The following KCNN2 variants were observed in gnomAD, a reference collection of about 807,000 sequenced individuals.
KCNN2 encodes the protein small conductance calcium-activated potassium channel protein 2.
KCNN2 carries 24 observed loss-of-function variants against 55.5 expected under a neutral mutation model. The ratio of observed to expected loss-of-function variants is 0.43; its 90% CI spans 0.31 to 0.61. The LOEUF (loss-of-function observed/expected upper bound fraction) is 0.61. KCNN2 is among the 20% of genes least tolerant of loss of function. KCNN2 has a pLI of 0.08. For synonymous variants in KCNN2, 431 were observed against 336.1 expected (o/e 1.28, Z -3.09); for missense variants, 754 against 853.6 (o/e 0.88, Z 1.45).
At chr5:114,387,833 A>G (rs1488854224) in intron 2 of KCNN2, among the ~76,000 whole-genome samples, 1 of 152,176 alleles carries the variant, frequency 6.6e-6, no homozygotes, top group Non-Finnish European at 1.5e-5. Context: ...GCTTTTTGCC[A>G]GTTGGCAGTA....
At chr5:114,114,459 G>C (rs1473112296) in intron 1 of KCNN2, among the ~76,000 whole-genome samples, 1 of 152,004 alleles carries the variant, frequency 6.6e-6, no homozygotes, top group Non-Finnish European at 1.5e-5. Context: ...GGTTGGCTTT[G>C]AAACCCTGGG....
chr5:114,404,886 A>G (rs1418341043), intron 3 of KCNN2, 30 bp downstream of exon 3: 1 of 1,571,496 alleles, frequency 6.4e-7, no homozygotes, highest in Admixed American at 1.8e-5. Flanking sequence ...TGAGAACATA[A>G]TTTACCATGT....
chr5:114,295,369 G>A (rs1755988002), intron 2 of KCNN2, among the ~76,000 whole-genome samples: 1 of 152,152 alleles, frequency 6.6e-6, no homozygotes, highest in Admixed American at 6.5e-5. Context: ...GAGCTTCCAG[G>A]CTGCTTTGTT....
chr5:114,086,209 C>G (rs1333980851), intron 1 of KCNN2, among the ~76,000 whole-genome samples: 2 of 152,038 alleles, frequency 1.3e-5, no homozygotes, highest in Admixed American at 1.3e-4. Flanking sequence ...TGTGTTTGCT[C>G]ATTCTAAAAA....
chr5:114,346,841 C>A (rs1418520628), intron 2 of KCNN2, among the ~76,000 whole-genome samples: 1 of 150,740 alleles, frequency 6.6e-6, no homozygotes, highest in Non-Finnish European at 1.5e-5. Flanking sequence ...AGAAAAATAC[C>A]AAGTTAAGCC....
At chr5:114,061,481 C>T (rs1159750429) in intron 1 of KCNN2, among the ~76,000 whole-genome samples, 1 of 152,062 alleles carries the variant, frequency 6.6e-6, no homozygotes, top group Non-Finnish European at 1.5e-5. Context: ...TGAGCAGATG[C>T]CTCTATAACG....
At chr5:114,464,554 G>T (rs1761352712) in intron 4 of KCNN2, among the ~76,000 whole-genome samples, 1 of 152,184 alleles carries the variant, frequency 6.6e-6, no homozygotes, top group Non-Finnish European at 1.5e-5. Flanking sequence ...TGGGAAGACT[G>T]CTCCAAGAGT....
chr5:114,140,598 T>C (rs1393279476), intron 1 of KCNN2, among the ~76,000 whole-genome samples: 1 of 152,074 alleles, frequency 6.6e-6, no homozygotes, highest in Non-Finnish European at 1.5e-5. Context: ...AAAATTTTTA[T>C]ACAAATAAAT....
At chr5:114,415,099 T>G (rs1303167146) in intron 3 of KCNN2, among the ~76,000 whole-genome samples, 1 of 152,214 alleles carries the variant, frequency 6.6e-6, no homozygotes, top group Admixed American at 6.5e-5. Flanking sequence ...CATCCAGTCT[T>G]TTTTACTTAA....
At chr5:114,068,092 C>T (rs770888270) in intron 1 of KCNN2, among the ~76,000 whole-genome samples, 6 of 152,168 alleles carry the variant, frequency 3.9e-5, no homozygotes, top group Admixed American at 6.5e-5. Context: ...TGATTAATTA[C>T]CACAAGACTG....
intron 2 of KCNN2, among the ~76,000 whole-genome samples, chr5:114,403,077 A>G (rs1377647963): frequency 6.6e-6 from 1 of 152,194 alleles, no homozygotes; most frequent in African/African-American, 2.4e-5. Flanking sequence ...TGATACATTG[A>G]GACTTGACAT....
intron 1 of KCNN2, among the ~76,000 whole-genome samples, chr5:114,116,180 AAG>A (rs376357083): frequency 6.6e-6 from 1 of 151,934 alleles, no homozygotes; most frequent in Non-Finnish European, 1.5e-5. Context: ...CCAAGTCACA[AAG>A]AGAGAGAGAG....
intron 1 of KCNN2, among the ~76,000 whole-genome samples, chr5:114,217,867 T>G (rs1754038717): frequency 6.6e-6 from 1 of 152,172 alleles, no homozygotes; most frequent in African/African-American, 2.4e-5. Context: ...AAAGGCCTGT[T>G]ATCCAAAACA....
At chr5:114,424,676 G>T (rs1759568621) in intron 3 of KCNN2, among the ~76,000 whole-genome samples, 1 of 152,240 alleles carries the variant, frequency 6.6e-6, no homozygotes, top group African/African-American at 2.4e-5. Context: ...TGTAGCCTAG[G>T]CTAGTGGGGA....
intron 3 of KCNN2, among the ~76,000 whole-genome samples, chr5:114,409,554 TA>T (rs1759058855): frequency 1.3e-5 from 2 of 152,204 alleles, no homozygotes; most frequent in Admixed American, 1.3e-4. Flanking sequence ...CCTCTCCATG[TA>T]AAAAGGGGAG....
At chr5:114,316,152 T>C (rs1036389597) in intron 2 of KCNN2, among the ~76,000 whole-genome samples, 1 of 152,146 alleles carries the variant, frequency 6.6e-6, no homozygotes, top group African/African-American at 2.4e-5. Context: ...CAGGAGCCCC[T>C]AAATTAAATT....
intron 2 of KCNN2, among the ~76,000 whole-genome samples, chr5:114,285,793 T>A (rs1003768628): frequency 2.0e-5 from 3 of 152,130 alleles, no homozygotes; most frequent in African/African-American, 7.2e-5. Context: ...AATTCTTGTG[T>A]ATGTAAAATA....
chr5:114,348,277 G>A (rs1312126669), intron 2 of KCNN2, among the ~76,000 whole-genome samples: 2 of 143,144 alleles, frequency 1.4e-5, no homozygotes, highest in African/African-American at 5.2e-5. Flanking sequence ...AAGCCATTAC[G>A]AGGGGGAGGG....
At chr5:114,466,597 C>T (rs927191408) in intron 4 of KCNN2, among the ~76,000 whole-genome samples, 91 of 151,962 alleles carry the variant, frequency 6.0e-4, no homozygotes, top group African/African-American at 2.2e-3. Context: ...TCATCTTATA[C>T]TGGAATTAAG....
Sources: gnomAD v4.1 joint callset for allele counts (sites outside exome capture counted in the v4.1 genomes callset) on GRCh38, gnomAD v4.1.1 for gene constraint, MANE v1.5 for transcripts, NCBI Gene and HGNC (gene_info 2026-07-23, HGNC 2026-07-21) for gene names.